Variants in UNC45B observed in about 807,000 individuals in gnomAD.
The protein encoded by UNC45B is protein unc-45 homolog B.
UNC45B carries 78 observed loss-of-function variants against 98.7 expected under a neutral mutation model. The observed-to-expected ratio is 0.79, with a 90% CI of 0.66 to 0.95. UNC45B has a LOEUF of 0.95. Ranked by LOEUF, UNC45B falls within the 40% of genes least tolerant of loss-of-function variation. The pLI is 0.00. For synonymous variants in UNC45B, 462 were observed against 480.4 expected, an observed-to-expected ratio of 0.96 and a Z score of 0.50; for missense variants, 1,225 against 1,184.9, an observed-to-expected ratio of 1.03 and a Z score of -0.50.
At chr17:35,151,834 C>G (rs1313546970) in intron 4 of UNC45B, among the ~76,000 whole-genome samples, 1 of 152,204 alleles carries the variant, frequency 6.6e-6, no homozygotes, top group Non-Finnish European at 1.5e-5. Flanking sequence ...TGTGGTGGCT[C>G]ACGCCTGTAA....
chr17:35,176,971 C>A, intron 15 of UNC45B, 46 bp from the exon 16 acceptor site: 1 of 1,502,512 alleles, frequency 6.7e-7, no homozygotes, highest in Non-Finnish European at 9.2e-7. Flanking sequence ...AGGCGAGAAG[C>A]CTCTGGATGT....
rs2092236363 is a variant in UNC45B, at chr17:35,176,707, A to G, written c.2026-310A>G. Among the ~76,000 whole-genome samples the G allele has an allele frequency of 7.2e-5, 11 of 152,174 alleles. 1 individual carries two copies. Among genetic ancestry groups the G allele is most frequent in the Admixed American group, 7.2e-4 (11 of 15,284 alleles). ...AAAAAACAAAACAAAACAAACAAAC[A>G]AAAGGATTGAGTTTGGCTTGGGCAG... On this transcript the variant is annotated intron_variant, in intron 15 of 19. Transcript: ENST00000394570.
intron 11 of UNC45B, 51 bp downstream of exon 11, chr17:35,169,982 G>A: frequency 6.2e-7 from 1 of 1,612,714 alleles, no homozygotes; most frequent in Non-Finnish European, 8.5e-7. Context: ...CGCCTTCCGG[G>A]CAAGAGTCTC....
At chr17:35,149,797 C>T (rs1375668520) in intron 3 of UNC45B, among the ~76,000 whole-genome samples, 1 of 152,220 alleles carries the variant, frequency 6.6e-6, no homozygotes, top group East Asian at 1.9e-4. Context: ...GGCAGGGATC[C>T]TGTAGCAGAG....
At chr17:35,181,809 G>A (rs2092275933) in intron 18 of UNC45B, among the ~76,000 whole-genome samples, 2 of 128,330 alleles carry the variant, frequency 1.6e-5, no homozygotes, top group Admixed American at 1.6e-4. Context: ...AAAAAAAAAA[G>A]CATATTAAAG....
chr17:35,173,960 C>T lies in UNC45B; in HGVS notation c.1831-282C>T, dbSNP rs77722497. Reference sequence around the variant, plus strand: ...CTGAGCAGCTGGGACTACAGGTGCCCGCCACCACGCCTGGCTCATTTTTTG... The same window carrying T: ...CTGAGCAGCTGGGACTACAGGTGCCTGCCACCACGCCTGGCTCATTTTTTG... On this transcript the variant is annotated intron_variant, in intron 13 of 19. Transcript: ENST00000394570. Among the ~76,000 whole-genome samples, 11,416 of 151,214 alleles carry T rather than the reference C, an allele frequency of 0.075. 546 individuals are homozygous for T. The highest frequency in any genetic ancestry group is 0.15 in the East Asian group (747 of 5,064).
chr17:35,177,111 T>C lies in UNC45B; in HGVS notation c.2120T>C (p.Ile707Thr). The C allele has an allele frequency of 6.2e-7, 1 of 1,614,108 alleles. No individual in the cohort carries two copies. Among genetic ancestry groups the C allele is most frequent in the South Asian group, 1.1e-5 (1 of 91,086 alleles). The change falls in exon 16 of 20, where the codon ATT becomes ACT. Residue 707 changes from isoleucine to threonine, a missense_variant. Physicochemically the swap from Ile to Thr is moderately conservative, Grantham distance 89. Coordinates refer to ENST00000394570, the MANE Select transcript of UNC45B (RefSeq NM_001267052.2). ...AKIAAVSNPDIAFPGERVYEV... is the reference protein window; with the variant it reads ...AKIAAVSNPDTAFPGERVYEV... ...ATCGCTGCTGTCTCCAATCCGGACA[T>C]TGCTTTTCCTGGGGAGCGGGTAGGT...
At chr17:35,171,177 G>A in intron 12 of UNC45B, 145 bp from the exon 13 acceptor site, 4 of 981,672 alleles carry the variant, frequency 4.1e-6, no homozygotes, top group Non-Finnish European at 3.0e-6. Flanking sequence ...CCTCTCCTGC[G>A]CTGCTGTCTT....
intron 6 of UNC45B, among the ~76,000 whole-genome samples, chr17:35,155,048 A>G (rs986498515): frequency 5.9e-5 from 9 of 152,242 alleles, no homozygotes; most frequent in Admixed American, 3.3e-4. Flanking sequence ...GCCACCGTGC[A>G]AGAGCTCAAC....
chr17:35,180,525 C>T, intron 17 of UNC45B, 34 bp from the exon 18 acceptor site: 1 of 1,577,190 alleles, frequency 6.3e-7, no homozygotes, highest in Non-Finnish European at 8.7e-7. Flanking sequence ...GCAGAAGACT[C>T]AAGGGTCTTT....
rs1173252221 is a variant in UNC45B, at chr17:35,152,965, G to A, written c.454G>A (p.Ala152Thr). ...GATCCTCTTGGATGAAAACAGTGAG[G>A]CTGATAAGCGGGAAAAGGTGAGTGC... The part of the protein sequence containing the change: ...FEILLDENSE[A>T]DKREKAANNL... Residue 152 changes from alanine (A) to threonine (T), a missense_variant, in exon 5 of 20, where the codon GCT (alanine) becomes ACT (threonine). Transcript: ENST00000394570. The A allele has an allele frequency of 3.1e-6, 5 of 1,613,740 alleles. No individual in the cohort carries two copies. The East Asian group carries it at 6.7e-5, about 22-fold the overall frequency.
chr17:35,162,013 G>A (rs1019409346), intron 8 of UNC45B, among the ~76,000 whole-genome samples: 4 of 152,172 alleles, frequency 2.6e-5, no homozygotes, highest in Non-Finnish European at 4.4e-5. Flanking sequence ...GAAGTGCCAC[G>A]CCCCTTGCCA....
chr17:35,180,650 A>G lies in UNC45B; in HGVS notation c.2347A>G (p.Met783Val). ...GCTGCGGCAGGCGGCCACCGAGTGC[A>G]TGTGCAACATGGTGCTCCACAAGGA... ...DQLRQAATECMCNMVLHKEVQ... is the reference protein window; with the variant it reads ...DQLRQAATECVCNMVLHKEVQ... Residue 783 changes from methionine (M) to valine (V), a missense_variant, in exon 18 of 20, where the codon ATG becomes GTG. Physicochemically the swap from Met to Val is conservative, Grantham distance 21. Coordinates refer to ENST00000394570, the MANE Select transcript of UNC45B (RefSeq NM_001267052.2). The G allele has an allele frequency of 1.2e-6, 2 of 1,613,794 alleles. No homozygotes were observed. Among genetic ancestry groups the G allele is most frequent in the Non-Finnish European group, 1.7e-6 (2 of 1,179,940 alleles).
intron 10 of UNC45B, 122 bp downstream of exon 10, chr17:35,168,483 A>C (rs1597920761): frequency 2.5e-6 from 2 of 796,344 alleles, no homozygotes. Flanking sequence ...GGGGCACCAG[A>C]CCCAGCCACA....
chr17:35,181,216 G>C (rs1401011267), intron 18 of UNC45B, among the ~76,000 whole-genome samples: 2 of 152,192 alleles, frequency 1.3e-5, no homozygotes, highest in Non-Finnish European at 2.9e-5. Context: ...AATGAATTCA[G>C]AACATGCCGT....
intron 14 of UNC45B, 87 bp downstream of exon 14, chr17:35,174,456 G>A (rs1048687749): frequency 1.3e-6 from 2 of 1,557,848 alleles, no homozygotes; most frequent in Non-Finnish European, 1.8e-6. Context: ...AGATAGAAAT[G>A]GTGGGGGCCT....
Position 35,159,389 on chromosome 17 carries a change from C to A in UNC45B, c.823C>A (p.Leu275Met), listed in dbSNP as rs374689052. ...EALVLDTKKD[L>M]KQITSHLLDM... ...TTTTTCTTCAGACACCAAGAAGGAC[C>A]TGAAGCAGATCACCAGCCACCTGCT... Residue 275 changes from leucine (L) to methionine (M), a missense_variant, in exon 8 of 20, where the codon CTG becomes ATG. Leu to Met is a conservative substitution (Grantham distance 15). Coordinates refer to ENST00000394570, the MANE Select transcript of UNC45B (RefSeq NM_001267052.2). 23 of 1,613,414 alleles carry A rather than the reference C, an allele frequency of 1.4e-5. No individual in the cohort carries two copies. Among genetic ancestry groups the A allele is most frequent in the Non-Finnish European group, 1.9e-5 (22 of 1,179,604 alleles).
rs11869662 is a variant in UNC45B, at chr17:35,155,503, G to A, written c.808+39G>A. The stretch of plus-strand genomic sequence containing the variant: ...TTCAGTTTTGATTCAAGGGGATGGG[G>A]AAAGAAAAGGTCAGTTGCTACCTCA... On this transcript the variant is annotated intron_variant, in intron 7 of 19. Coordinates refer to ENST00000394570, the MANE Select transcript of UNC45B (RefSeq NM_001267052.2). 217,635 of 1,601,944 alleles carry A rather than the reference G, an allele frequency of 0.14. 15,591 individuals are homozygous for A. Among genetic ancestry groups the A allele is most frequent in the African/African-American group, 0.24 (17,621 of 74,746 alleles).
chr17:35,159,455 G>C lies in UNC45B; in HGVS notation c.889G>C (p.Asp297His). 1 of 1,614,164 alleles carries C rather than the reference G, an allele frequency of 6.2e-7. No homozygotes were observed. Among genetic ancestry groups the C allele is most frequent in the Non-Finnish European group, 8.5e-7 (1 of 1,180,022 alleles). ...CAAGAAGGTGTCTGGCCAGGGCAGG[G>C]ATCAGGCGCTGAACCTGCTCAATAA... ...VSKKVSGQGR[D>H]QALNLLNKNV... Residue 297 changes from aspartate (D) to histidine (H), a missense_variant, in exon 8 of 20, where the codon GAT becomes CAT. Coordinates refer to ENST00000394570, the MANE Select transcript of UNC45B (RefSeq NM_001267052.2).
Sources: gnomAD v4.1 joint callset for allele counts (sites outside exome capture counted in the v4.1 genomes callset) on GRCh38, gnomAD v4.1.1 for gene constraint, MANE v1.5 for transcripts, NCBI Gene and HGNC (gene_info 2026-07-23, HGNC 2026-07-21) for gene names.